Variants in GREB1L observed in about 807,000 individuals in gnomAD.
GREB1L encodes the protein GREB1-like protein.
GREB1L carries 17 observed loss-of-function variants against 200.8 expected under a neutral mutation model. The ratio of observed to expected loss-of-function variants is 0.08; its 90% confidence interval spans 0.06 to 0.13. The LOEUF (loss-of-function observed/expected upper bound fraction) is 0.13, where lower values mean the gene tolerates loss of function less well. Ranked by LOEUF, GREB1L falls within the 10% of genes least tolerant of loss-of-function variation. The probability of loss-of-function intolerance (pLI) is 1.00; values close to 1 mark genes in which losing one functional copy is unlikely to be tolerated. For synonymous variants in GREB1L, 789 were observed against 893.0 expected (o/e 0.88, Z 2.08); for missense variants, 1,657 against 2,367.7 (o/e 0.70, Z 6.23).
intron 1 of GREB1L, among the ~76,000 whole-genome samples, chr18:21,364,362 T>G (rs1188064588): frequency 6.6e-6 from 1 of 152,104 alleles, no homozygotes; most frequent in Non-Finnish European, 1.5e-5. Context: ...TTTATTTTGT[T>G]GGTGAAGGTC....
intron 1 of GREB1L, among the ~76,000 whole-genome samples, chr18:21,360,459 T>C (rs2039566496): frequency 1.3e-5 from 2 of 152,106 alleles, no homozygotes; most frequent in Admixed American, 6.6e-5. Flanking sequence ...CTCCTCACCT[T>C]AGGTGATCCA....
At chr18:21,394,557 G>A (rs2040962285) in intron 4 of GREB1L, among the ~76,000 whole-genome samples, 1 of 152,072 alleles carries the variant, frequency 6.6e-6, no homozygotes, top group Non-Finnish European at 1.5e-5. Flanking sequence ...TATACAAAGT[G>A]GTTATGTAAG....
intron 4 of GREB1L, among the ~76,000 whole-genome samples, chr18:21,388,486 C>G (rs2144179276): frequency 6.6e-6 from 1 of 150,976 alleles, no homozygotes; most frequent in South Asian, 2.1e-4. Flanking sequence ...TCCAGTATCC[C>G]ATCCAGGATA....
At chr18:21,257,156 C>T (rs546685165) in intron 1 of GREB1L, among the ~76,000 whole-genome samples, 6 of 152,024 alleles carry the variant, frequency 3.9e-5, no homozygotes, top group East Asian at 1.9e-4. Context: ...TTAGTAGAGA[C>T]GAGATTTCAC....
chr18:21,261,943 A>T (rs548441594), intron 1 of GREB1L, among the ~76,000 whole-genome samples: 1 of 152,174 alleles, frequency 6.6e-6, no homozygotes, highest in South Asian at 2.1e-4. Context: ...GAGGTCTTAG[A>T]TTTTTACTTA....
chr18:21,246,434 A>G (rs558925797), intron 1 of GREB1L, among the ~76,000 whole-genome samples: 2 of 152,292 alleles, frequency 1.3e-5, no homozygotes, highest in East Asian at 1.9e-4. Flanking sequence ...CTTAAAACAT[A>G]TTATTGTTAC....
chr18:21,458,337 A>C (rs374836877), intron 15 of GREB1L, among the ~76,000 whole-genome samples: 6 of 152,182 alleles, frequency 3.9e-5, no homozygotes, highest in Non-Finnish European at 5.9e-5. Flanking sequence ...GCCTGGCACC[A>C]GCAGGTGCTC....
chr18:21,350,525 C>T (rs72881364), intron 1 of GREB1L, among the ~76,000 whole-genome samples: 6,911 of 152,148 alleles, frequency 0.045, 222 homozygotes, highest in Non-Finnish European at 0.072. Flanking sequence ...AGATGTGAGC[C>T]GCTGCGCCCA....
At chr18:21,244,304 C>T (rs2037560033) in intron 1 of GREB1L, among the ~76,000 whole-genome samples, 1 of 152,172 alleles carries the variant, frequency 6.6e-6, no homozygotes, top group South Asian at 2.1e-4. Flanking sequence ...TTTACTTTGT[C>T]TACCGCAGTG....
chr18:21,441,298 T>C (rs921051563), intron 9 of GREB1L, 102 bp from the exon 10 acceptor site: 2 of 993,984 alleles, frequency 2.0e-6, no homozygotes, highest in Non-Finnish European at 2.8e-6. Flanking sequence ...AACCATTAGA[T>C]TTCTAATGCT....
rs1453202733 is a variant in GREB1L, at chr18:21,382,052, CAGATAGTTTT to C, written c.-9-1457_-9-1448del. On this transcript the variant is annotated intron_variant, in intron 2 of 32. Coordinates refer to ENST00000424526, the MANE Select transcript of GREB1L (RefSeq NM_001142966.3). ...AAAAAAAATTTTGTTTAAATAGTTT[CAGATAGTTTT>C]GGCTGAGTGTGGTGGCTCATGCCTA... Among the ~76,000 whole-genome samples the C allele has an allele frequency of 2.0e-5, 3 of 152,266 alleles. No homozygotes were observed. The East Asian group carries it at 5.8e-4, about 30-fold the overall frequency.
intron 1 of GREB1L, among the ~76,000 whole-genome samples, chr18:21,344,850 C>T (rs1175546237): frequency 6.6e-6 from 1 of 152,160 alleles, no homozygotes; most frequent in South Asian, 2.1e-4. Context: ...AGTTGGTGAT[C>T]GCTACTGGAG....
At chr18:21,381,415 GAAA>G (rs923221809) in intron 2 of GREB1L, among the ~76,000 whole-genome samples, 24 of 95,302 alleles carry the variant, frequency 2.5e-4, no homozygotes, top group African/African-American at 7.4e-4. Flanking sequence ...CTCAAAAAAA[GAAA>G]AAAAAAAAAA....
At chr18:21,496,815 G>A in intron 21 of GREB1L, 117 bp downstream of exon 21, 1 of 1,182,972 alleles carries the variant, frequency 8.5e-7, no homozygotes, top group East Asian at 2.6e-5. Flanking sequence ...AGCCTTCAGG[G>A]ACTGGCATCC....
At chr18:21,513,243 C>T (rs971424460) in intron 27 of GREB1L, among the ~76,000 whole-genome samples, 17 of 152,188 alleles carry the variant, frequency 1.1e-4, no homozygotes, top group African/African-American at 4.1e-4. Flanking sequence ...ACCATATTGC[C>T]TCTTGCAAAA....
chr18:21,428,991 T>C lies in GREB1L; in HGVS notation c.833-10530T>C, dbSNP rs142078938. 8.0e-3 allele frequency among the ~76,000 whole-genome samples: 1,223 copies of C among 152,248 alleles called. 13 individuals are homozygous for C. Among genetic ancestry groups the C allele is most frequent in the African/African-American group, 0.028 (1,169 of 41,544 alleles). ...CCTTGGCCTCCCAAAGTGCTGGGATTACAGGCATGAGCCACCGTGCCCAGC... is the reference window on the plus strand; with the variant it reads ...CCTTGGCCTCCCAAAGTGCTGGGATCACAGGCATGAGCCACCGTGCCCAGC... On this transcript the variant is annotated intron_variant, in intron 7 of 32. Coordinates refer to ENST00000424526, the MANE Select transcript of GREB1L (RefSeq NM_001142966.3).
At chr18:21,281,730 GC>G (rs2038273140) in intron 1 of GREB1L, among the ~76,000 whole-genome samples, 1 of 152,160 alleles carries the variant, frequency 6.6e-6, no homozygotes, top group Non-Finnish European at 1.5e-5. Context: ...GAGATAGAAA[GC>G]AGTTGAGAAT....
chr18:21,320,864 G>T (rs528552335), intron 1 of GREB1L, among the ~76,000 whole-genome samples: 1 of 152,126 alleles, frequency 6.6e-6, no homozygotes, highest in South Asian at 2.1e-4. Flanking sequence ...ACAGGAGGAG[G>T]ATTGAAAAGA....
At chr18:21,507,694 C>G (rs942970614) in intron 25 of GREB1L, among the ~76,000 whole-genome samples, 8 of 152,160 alleles carry the variant, frequency 5.3e-5, no homozygotes, top group Admixed American at 2.6e-4. Flanking sequence ...AATGTCAAAC[C>G]TGATATTTAG....
Sources: gnomAD v4.1 joint callset for allele counts (sites outside exome capture counted in the v4.1 genomes callset) on GRCh38, gnomAD v4.1.1 for gene constraint, MANE v1.5 for transcripts, NCBI Gene and HGNC (gene_info 2026-07-23, HGNC 2026-07-21) for gene names.